Variants in COL6A5 observed in about 807,000 individuals in gnomAD.
COL6A5 encodes collagen type VI alpha 5 chain, also known as collagen alpha-5(VI) chain.
A neutral mutation model predicts 65.6 loss-of-function variants in COL6A5; 48 were observed. The ratio of observed to expected loss-of-function variants is 0.73; its 90% confidence interval spans 0.58 to 0.93. The LOEUF (loss-of-function observed/expected upper bound fraction) is 0.93. COL6A5 is among the 40% of genes least tolerant of loss of function. COL6A5 has a pLI of 0.00. For missense variants in COL6A5, 914 were observed against 928.3 expected (o/e 0.98, Z 0.20); for synonymous variants, 291 against 322.8 (o/e 0.90, Z 1.05).
intron 13 of COL6A5, among the ~76,000 whole-genome samples, chr3:130,404,381 AG>A (rs1936916877): frequency 6.6e-6 from 1 of 152,192 alleles, no homozygotes; most frequent in Admixed American, 6.5e-5. Context: ...GGAAGTTTTA[AG>A]GATTGAAAGC....
At chr3:130,435,223 T>G (rs1410077164) in intron 1 of COL6A5, among the ~76,000 whole-genome samples, 1 of 152,056 alleles carries the variant, frequency 6.6e-6, no homozygotes, top group South Asian at 2.1e-4. Context: ...TTGTTTTTGT[T>G]AGGTTTGTCG....
chr3:130,421,604 A>G (rs1937518858), intron 27 of COL6A5, among the ~76,000 whole-genome samples: 1 of 152,032 alleles, frequency 6.6e-6, no homozygotes, highest in African/African-American at 2.4e-5. Context: ...TATCCTCTCA[A>G]GTTCAGTCTT....
intron 4 of COL6A5, among the ~76,000 whole-genome samples, chr3:130,383,390 T>C (rs1307600118): frequency 6.6e-6 from 1 of 152,070 alleles, no homozygotes; most frequent in African/African-American, 2.4e-5. Flanking sequence ...TTGCTACAGT[T>C]ACCTACTCAC....
At chr3:130,455,472 A>G (rs1709549526) in exon 5 of COL6A5, 1 of 1,611,340 alleles carries the variant, frequency 6.2e-7, no homozygotes, top group Non-Finnish European at 8.5e-7. Flanking sequence ...ACTGAGCTAC[A>G]AGAGGATTTT....
At chr3:130,378,327 C>T (rs1291892925) in intron 3 of COL6A5, among the ~76,000 whole-genome samples, 1 of 152,006 alleles carries the variant, frequency 6.6e-6, no homozygotes, top group African/African-American at 2.4e-5. Flanking sequence ...GGCCAAAAAC[C>T]CAGGAGTTTT....
At chr3:130,410,444 A>G in intron 19 of COL6A5, 27 bp from the exon 20 acceptor site, 1 of 1,535,558 alleles carries the variant, frequency 6.5e-7, no homozygotes, top group Non-Finnish European at 8.8e-7. Flanking sequence ...TTTCCTTTTG[A>G]TCTTGAGGAA....
chr3:130,423,008 T>C (rs183917153), intron 28 of COL6A5, among the ~76,000 whole-genome samples: 124 of 152,224 alleles, frequency 8.1e-4, no homozygotes, highest in Non-Finnish European at 1.5e-3. Flanking sequence ...TATGGTTCAA[T>C]GAATCAGTAC....
chr3:130,415,808 A>G, intron 23 of COL6A5, 101 bp downstream of exon 23: 2 of 983,188 alleles, frequency 2.0e-6, no homozygotes, highest in Non-Finnish European at 1.4e-6. Context: ...ATTTACATAT[A>G]TATTATTTCA....
intron 4 of COL6A5, 42 bp downstream of exon 36, chr3:130,443,608 G>C (rs759370630): frequency 7.8e-7 from 1 of 1,289,754 alleles, no homozygotes; most frequent in East Asian, 2.3e-5. Flanking sequence ...ACTGCTAATT[G>C]GCTGATGGGA....
In COL6A5 at chr3:130,413,627, A is replaced by C. The variant is rs141107863; in HGVS notation, c.4698+47A>C. ...TTCTCTGTGGTTGATGGGACCAAGG[A>C]GGTTTCTCCCATGTAGGTGGTGCTG... On this transcript the variant is annotated intron_variant and NMD_transcript_variant, in intron 21 of 41. Coordinates refer to the COL6A5 transcript ENST00000312481. 346 of 1,529,106 alleles carry C rather than the reference A, an allele frequency of 2.3e-4. 1 individual carries two copies. The East Asian group carries it at 6.8e-3, about 30-fold the overall frequency. 94.7% of individuals were successfully genotyped at this position (1,529,106 alleles called of 1,614,324 possible). A position where few individuals can be genotyped will look rare whatever the true frequency, so the allele number is the denominator to read the frequency against.
At chr3:130,479,034 G>A (rs1469569541) in intron 7 of COL6A5, among the ~76,000 whole-genome samples, 1 of 152,004 alleles carries the variant, frequency 6.6e-6, no homozygotes, top group Non-Finnish European at 1.5e-5. Context: ...GATGAATAAT[G>A]CTATGGCCTG....
intron 25 of COL6A5, among the ~76,000 whole-genome samples, chr3:130,420,807 A>G (rs758949217): frequency 6.6e-6 from 1 of 151,938 alleles, no homozygotes; most frequent in Non-Finnish European, 1.5e-5. Context: ...CTGTATGTCT[A>G]TTGACTATTT....
intron 7 of COL6A5, among the ~76,000 whole-genome samples, chr3:130,392,266 T>G (rs1190155146): frequency 1.3e-5 from 2 of 152,150 alleles, no homozygotes; most frequent in African/African-American, 4.8e-5. Context: ...CTTTTCTGGG[T>G]AAGCGCCACC....
rs764063193 is a variant in COL6A5 at position 130,440,787 on chromosome 3, T to C, written c.1205T>C (p.Ile402Thr). ...ATACATAAACCAGATCTGAATTATATTGCGAAGTTCTTAAAGCCATTTTTA... is the reference window on the plus strand; with the variant it reads ...ATACATAAACCAGATCTGAATTATACTGCGAAGTTCTTAAAGCCATTTTTA... Residue 402 changes from isoleucine to threonine, a missense_variant, in exon 3 of 8, where the codon ATT becomes ACT. Transcript: ENST00000512836. 1.6e-5 allele frequency: 26 copies of C among 1,612,714 alleles called. No individual in the cohort carries two copies. The African/African-American group carries it at 2.8e-4, about 17-fold the overall frequency.
rs532253215 is a variant in COL6A5 at position 130,378,614 on chromosome 3, T to C, written c.668-804T>C. Among the ~76,000 whole-genome samples the C allele has an allele frequency of 4.6e-5, 7 of 152,216 alleles. No individual in the cohort carries two copies. In the East Asian group the frequency reaches 1.4e-3, roughly 30 times the overall value. On this transcript the variant is annotated intron_variant and NMD_transcript_variant, in intron 3 of 41. Coordinates refer to the COL6A5 transcript ENST00000312481. ...TGGGCCCTGCTTCCCTCTGGCCTCA[T>C]CTGTCAATGTTTCCCCTCACTCATG...
chr3:130,439,339 TTGTGTGTGTGTGTGTG>T (rs5852597), intron 1 of COL6A5, among the ~76,000 whole-genome samples, 167 bp from the exon 34 acceptor site: 107 of 146,666 alleles, frequency 7.3e-4, no homozygotes, highest in Non-Finnish European at 1.3e-3. Flanking sequence ...AAGCAGGGGA[TTGTGTGTGTGTGTGTG>T]TGTGTGTGTG....
intron 1 of COL6A5, among the ~76,000 whole-genome samples, chr3:130,437,763 C>T (rs1007748801): frequency 6.6e-6 from 1 of 152,076 alleles, no homozygotes; most frequent in African/African-American, 2.4e-5. Context: ...TTTCCTATGC[C>T]AGAAATTCTT....
intron 3 of COL6A5, among the ~76,000 whole-genome samples, chr3:130,441,802 GAAT>G (rs1478322169): frequency 6.6e-6 from 1 of 152,104 alleles, no homozygotes; most frequent in Non-Finnish European, 1.5e-5. Context: ...CCACAACAAA[GAAT>G]AATACATCCC....
intron 7 of COL6A5, among the ~76,000 whole-genome samples, chr3:130,477,665 C>T (rs986064686): frequency 1.3e-5 from 2 of 151,934 alleles, no homozygotes; most frequent in African/African-American, 2.4e-5. Flanking sequence ...TTGGATTGTA[C>T]CCCAGACCTA....
Sources: gnomAD v4.1 joint callset for allele counts (sites outside exome capture counted in the v4.1 genomes callset) on GRCh38, gnomAD v4.1.1 for gene constraint, MANE v1.5 for transcripts, NCBI Gene and HGNC (gene_info 2026-07-23, HGNC 2026-07-21) for gene names.